The following TRIOBP variants were observed in gnomAD, a reference collection of about 807,000 sequenced individuals.
TRIOBP encodes the protein TRIO and F-actin-binding protein.
In TRIOBP, 169 loss-of-function variants were observed where a neutral mutation model predicts 238.8. The ratio of observed to expected loss-of-function variants is 0.71; its 90% confidence interval spans 0.62 to 0.80. The LOEUF (loss-of-function observed/expected upper bound fraction) is 0.80. Among genes scored for constraint, TRIOBP ranks in the 30% least tolerant of loss-of-function variants. The pLI is 0.00. For synonymous variants in TRIOBP, 1,150 were observed against 1,274.4 expected, an observed-to-expected ratio of 0.90 and a Z score of 2.08; for missense variants, 2,838 against 3,122.6, an observed-to-expected ratio of 0.91 and a Z score of 2.17.
chr22:37,727,935 C>G (rs928033912), intron 7 of TRIOBP, among the ~76,000 whole-genome samples: 1 of 152,120 alleles, frequency 6.6e-6, no homozygotes, highest in Non-Finnish European at 1.5e-5. Context: ...AGAACAACAG[C>G]AACAAAAAGC....
At chr22:37,734,187 T>A (rs938545396) in intron 8 of TRIOBP, among the ~76,000 whole-genome samples, 2 of 152,186 alleles carry the variant, frequency 1.3e-5, no homozygotes, top group African/African-American at 4.8e-5. Flanking sequence ...GGGCAGGTCT[T>A]TGCAGATCTT....
chr22:37,725,266 A>G lies in TRIOBP; in HGVS notation c.2710A>G (p.Ile904Val), dbSNP rs757411691. ...ATCTCCCCATCGTACTAACAAAGAC[A>G]TCCCCTGGGCCTCGTTTCCCCTCCG... Reference protein sequence around the residue: ...NSSPHRTNKDIPWASFPLRPT... With the variant: ...NSSPHRTNKDVPWASFPLRPT... Residue 904 changes from isoleucine to valine, a missense_variant, in exon 7 of 24, where the codon ATC (isoleucine) becomes GTC (valine). Ile to Val is a conservative substitution (Grantham distance 29, BLOSUM62 3). This residue lies in a region of TRIOBP where 2,096 missense variants were observed against 2,137.4 expected (regional missense o/e 0.98). Coordinates refer to ENST00000644935, the MANE Select transcript of TRIOBP (RefSeq NM_001039141.3). 10 of 1,613,904 alleles carry G rather than the reference A, an allele frequency of 6.2e-6. No homozygotes were observed. Among genetic ancestry groups the G allele is most frequent in the Non-Finnish European group, 8.5e-6 (10 of 1,180,016 alleles).
At chr22:37,699,449 G>A (rs566252267) in intron 2 of TRIOBP, among the ~76,000 whole-genome samples, 1 of 152,134 alleles carries the variant, frequency 6.6e-6, no homozygotes, top group African/African-American at 2.4e-5. Flanking sequence ...CTGAGCCTTA[G>A]TTGCCTGATC....
intron 7 of TRIOBP, among the ~76,000 whole-genome samples, chr22:37,729,413 A>C (rs900885514): frequency 6.6e-6 from 1 of 151,896 alleles, no homozygotes; most frequent in African/African-American, 2.4e-5. Context: ...ATGGAGTCTC[A>C]CTTTGTTGCC....
intron 11 of TRIOBP, chr22:37,750,958 C>G (rs892193429): frequency 1.9e-5 from 7 of 367,526 alleles, no homozygotes; most frequent in African/African-American, 1.1e-4. Flanking sequence ...CACCTCCTCC[C>G]TGCCGGCGCC....
At position 37,734,919 on chromosome 22, in the gene TRIOBP, C is replaced by G. The variant is rs773288449; in HGVS notation, c.4583C>G (p.Ser1528Cys). The G allele has an allele frequency of 6.2e-6, 10 of 1,613,260 alleles. No homozygotes were observed. In the African/African-American group the frequency reaches 1.2e-4, roughly 19 times the overall value. The change falls in exon 9 of 24, where the codon TCC (serine) becomes TGC (cysteine). Residue 1528 changes from serine to cysteine, a missense_variant. Around this residue, in one of 5 missense-constraint regions of TRIOBP, gnomAD observed 2,096 missense variants for 2,137.4 expected, o/e 0.98. Transcript: ENST00000644935. ...GGAGGCCCCGCAGAGTCCTCACAAT[C>G]CTGGCACTCTGGGACACCCACTGCT... The part of the protein sequence containing the change: ...NWGGPAESSQ[S>C]WHSGTPTAVG...
At chr22:37,721,070 C>T (rs964371765) in intron 6 of TRIOBP, among the ~76,000 whole-genome samples, 1 of 150,588 alleles carries the variant, frequency 6.6e-6, no homozygotes, top group African/African-American at 2.5e-5. Context: ...GGGGTTTCAC[C>T]GTGTTAGCAG....
chr22:37,772,124 G>T (rs1401364527), intron 22 of TRIOBP, among the ~76,000 whole-genome samples: 1 of 152,186 alleles, frequency 6.6e-6, no homozygotes, highest in Non-Finnish European at 1.5e-5. Flanking sequence ...GGTGGGTCAG[G>T]GTTCAGCCCA....
chr22:37,705,372 T>TCAAAA (rs1303179805), intron 3 of TRIOBP, among the ~76,000 whole-genome samples: 1 of 151,368 alleles, frequency 6.6e-6, no homozygotes, highest in Admixed American at 6.6e-5. Context: ...GAGAATCCTC[T>TCAAAA]CAAAACAAAA....
intron 10 of TRIOBP, among the ~76,000 whole-genome samples, chr22:37,739,165 AT>A (rs971679441): frequency 9.2e-5 from 14 of 152,008 alleles, no homozygotes; most frequent in African/African-American, 3.4e-4. Context: ...CGGGAGAGAT[AT>A]GTGCGGGGGT....
At chr22:37,744,491 G>C (rs569136372) in intron 11 of TRIOBP, among the ~76,000 whole-genome samples, 123 of 152,338 alleles carry the variant, frequency 8.1e-4, no homozygotes, top group African/African-American at 2.9e-3. Flanking sequence ...TTGGTGATGT[G>C]TGGAAGAACT....
chr22:37,751,056 A>G, intron 11 of TRIOBP: 1 of 407,766 alleles, frequency 2.5e-6, no homozygotes, highest in Non-Finnish European at 5.0e-6. Context: ...CACCCACTAG[A>G]TGAGCATGGT....
At chr22:37,742,076 G>C (rs1479895372) in intron 11 of TRIOBP, among the ~76,000 whole-genome samples, 1 of 151,862 alleles carries the variant, frequency 6.6e-6, no homozygotes, top group Non-Finnish European at 1.5e-5. Flanking sequence ...TCCTGCCTCA[G>C]CCTCCAGAGT....
At chr22:37,761,127 T>C (rs1465046031) in intron 17 of TRIOBP, among the ~76,000 whole-genome samples, 2 of 151,904 alleles carry the variant, frequency 1.3e-5, no homozygotes, top group Non-Finnish European at 2.9e-5. Context: ...TGGTGCGTAT[T>C]GTGGATGCCT....
rs757841253 is a variant in TRIOBP, at chr22:37,724,943, C to G, written c.2387C>G (p.Ala796Gly). 1.2e-6 allele frequency: 2 copies of G among 1,613,842 alleles called. No individual in the cohort carries two copies. Among genetic ancestry groups the G allele is most frequent in the Non-Finnish European group, 1.7e-6 (2 of 1,179,992 alleles). ...ATRDNPRTSC[A>G]QRDNLRASSP... ...CGAGACAACCCCAGAACATCCTGTGCCCAGCGGGACAATCTCAGAGCCTCC... is the reference window on the plus strand; with the variant it reads ...CGAGACAACCCCAGAACATCCTGTGGCCAGCGGGACAATCTCAGAGCCTCC... Residue 796 changes from alanine to glycine, a missense_variant, in exon 7 of 24, where the codon GCC becomes GGC. Physicochemically the swap from Ala to Gly is moderately conservative, Grantham distance 60 (BLOSUM62 0). Around this residue, in one of 5 missense-constraint regions of TRIOBP, gnomAD observed 2,096 missense variants for 2,137.4 expected, o/e 0.98. Coordinates refer to ENST00000644935, the MANE Select transcript of TRIOBP (RefSeq NM_001039141.3).
At chr22:37,700,866 A>G (rs934340349) in intron 2 of TRIOBP, among the ~76,000 whole-genome samples, 1 of 151,824 alleles carries the variant, frequency 6.6e-6, no homozygotes, top group African/African-American at 2.4e-5. Context: ...TGATTTTTGT[A>G]TTTTTAGTAG....
In TRIOBP at chr22:37,757,945, G is replaced by T. The variant is rs371121420; in HGVS notation, c.6020G>T (p.Arg2007Leu). 2 of 1,560,768 alleles carry T rather than the reference G, an allele frequency of 1.3e-6. No homozygotes were observed. The highest frequency in any genetic ancestry group is 1.7e-6 in the Non-Finnish European group (2 of 1,153,316). Residue 2007 changes from arginine to leucine, a missense_variant, in exon 16 of 24, where the codon CGC (arginine) becomes CTC (leucine). Transcript: ENST00000644935. ...TPEVPAGEGP[R>L]RGLGAPLTED... ...GAGGTGCCTGCTGGTGAGGGGCCGCGCCGGGGCCTGGGTGCCCCCCTGACT... is the reference window on the plus strand; with the variant it reads ...GAGGTGCCTGCTGGTGAGGGGCCGCTCCGGGGCCTGGGTGCCCCCCTGACT...
At position 37,757,618 on chromosome 22, in the gene TRIOBP, C is replaced by T. The variant is rs727503523; in HGVS notation, c.5693C>T (p.Ser1898Leu). ...PTSAPDVTKL[S>L]DSNKENALHS... ...TGGCTCTGCTGGTGCCCTAGGCTCTCGGACTCTAACAAGGAGAACGCGCTG... is the reference window on the plus strand; with the variant it reads ...TGGCTCTGCTGGTGCCCTAGGCTCTTGGACTCTAACAAGGAGAACGCGCTG... Residue 1898 changes from serine (S) to leucine (L), a missense_variant, in exon 16 of 24, where the codon TCG (serine) becomes TTG (leucine). Coordinates refer to ENST00000644935, the MANE Select transcript of TRIOBP (RefSeq NM_001039141.3). The T allele has an allele frequency of 4.4e-6, 7 of 1,582,374 alleles. No homozygotes were observed. The highest frequency in any genetic ancestry group is 2.7e-5 in the African/African-American group (2 of 74,198).
At chr22:37,746,312 GGGCGGCGGC>G (rs953748818) in intron 11 of TRIOBP, 150 of 1,128,690 alleles carry the variant, frequency 1.3e-4, no homozygotes, top group East Asian at 6.4e-4. Context: ...CGGCCGAGAG[GGGCGGCGGC>G]GGCGGCGGCG....
Sources: allele counts gnomAD v4.1 joint callset (sites outside exome capture counted in the v4.1 genomes callset), GRCh38; gene constraint gnomAD v4.1.1; regional missense constraint gnomAD v4.1.1; transcripts MANE v1.5; gene names NCBI Gene and HGNC (gene_info 2026-07-23, HGNC 2026-07-21).